Variants in NELL2 observed in about 807,000 individuals in gnomAD.
NELL2 encodes protein kinase C-binding protein NELL2.
Under a neutral mutation model 109.6 loss-of-function variants are expected in NELL2, and 41 were observed. That is an observed-to-expected ratio of 0.37 (90% CI 0.29 to 0.49). The LOEUF (loss-of-function observed/expected upper bound fraction) is 0.49. NELL2 is among the 20% of genes least tolerant of loss of function. The pLI is 0.98. For synonymous variants in NELL2, 355 were observed against 344.7 expected (o/e 1.03, Z -0.33); for missense variants, 900 against 1,008.3 (o/e 0.89, Z 1.45).
upstream of NELL2, among the ~76,000 whole-genome samples, chr12:44,917,211 G>C (rs918509764): frequency 1.3e-5 from 2 of 152,104 alleles, no homozygotes; most frequent in African/African-American, 4.8e-5. Flanking sequence ...AATGTCAAAA[G>C]GTCTTTCTCC....
At chr12:44,559,465 C>T (rs1319602940) in intron 15 of NELL2, among the ~76,000 whole-genome samples, 2 of 152,104 alleles carry the variant, frequency 1.3e-5, no homozygotes, top group African/African-American at 4.8e-5. Context: ...ATAGCCTCAA[C>T]ATAAAGGGAT....
chr12:44,635,254 T>C (rs1946594627), intron 13 of NELL2, among the ~76,000 whole-genome samples: 1 of 152,176 alleles, frequency 6.6e-6, no homozygotes, highest in African/African-American at 2.4e-5. Flanking sequence ...CTGATGATAG[T>C]TTCTTTTGCT....
At chr12:44,624,001 G>A (rs1389840797) in intron 13 of NELL2, among the ~76,000 whole-genome samples, 2 of 152,106 alleles carry the variant, frequency 1.3e-5, no homozygotes, top group African/African-American at 4.8e-5. Context: ...TGGGGGCTAG[G>A]GGAGGGATAG....
chr12:44,889,873 T>C (rs115260995), intron 1 of NELL2, among the ~76,000 whole-genome samples: 1,607 of 152,290 alleles, frequency 0.011, 29 homozygotes, highest in African/African-American at 0.037. Context: ...TAATTCAAAA[T>C]CTTTCCTGAC....
intron 2 of NELL2, among the ~76,000 whole-genome samples, chr12:44,873,848 T>C (rs1945236596): frequency 6.6e-6 from 1 of 151,974 alleles, no homozygotes; most frequent in Non-Finnish European, 1.5e-5. Context: ...TTGGTCATTG[T>C]TTTTAAAGGA....
At chr12:44,785,515 T>G (rs1942130422) in intron 3 of NELL2, among the ~76,000 whole-genome samples, 1 of 152,012 alleles carries the variant, frequency 6.6e-6, no homozygotes, top group Non-Finnish European at 1.5e-5. Context: ...CTTCACAGAA[T>G]TAGAAAAAAA....
At chr12:44,602,063 G>A (rs761247384) in intron 15 of NELL2, among the ~76,000 whole-genome samples, 34 of 152,064 alleles carry the variant, frequency 2.2e-4, no homozygotes, top group Non-Finnish European at 4.0e-4. Context: ...AGCAGGGTAC[G>A]GTCAAAAAGC....
intron 10 of NELL2, among the ~76,000 whole-genome samples, chr12:44,713,223 GAC>G (rs796303067): frequency 0.038 from 5,702 of 149,592 alleles, 401 homozygotes; most frequent in African/African-American, 0.13. Flanking sequence ...CACAGAGAGA[GAC>G]AGAGAGAGAG....
intron 13 of NELL2, among the ~76,000 whole-genome samples, chr12:44,646,925 C>T (rs1024961165): frequency 6.6e-6 from 1 of 152,116 alleles, no homozygotes; most frequent in Non-Finnish European, 1.5e-5. Flanking sequence ...TTTCCTCATA[C>T]ATAAAATGGG....
chr12:44,893,724 T>G (rs192381508), intron 1 of NELL2, among the ~76,000 whole-genome samples: 1 of 152,272 alleles, frequency 6.6e-6, no homozygotes, highest in Non-Finnish European at 1.5e-5. Context: ...GCCCCAAGCC[T>G]TCTAATTTTG....
intron 1 of NELL2, among the ~76,000 whole-genome samples, chr12:44,903,975 A>G (rs2136884323): frequency 6.6e-6 from 1 of 152,206 alleles, no homozygotes; most frequent in Non-Finnish European, 1.5e-5. Flanking sequence ...ACCAGGGCAC[A>G]TGTATACCTA....
chr12:44,825,407 T>C (rs1471963052), intron 2 of NELL2, among the ~76,000 whole-genome samples: 1 of 139,894 alleles, frequency 7.1e-6, no homozygotes, highest in African/African-American at 2.6e-5. Flanking sequence ...TTTTTTTTTT[T>C]TTTTTTTGAG....
At chr12:44,827,619 T>A (rs1355695370) in intron 2 of NELL2, among the ~76,000 whole-genome samples, 1 of 152,110 alleles carries the variant, frequency 6.6e-6, no homozygotes, top group Non-Finnish European at 1.5e-5. Context: ...CATAAACACC[T>A]CCAGTTCCAC....
chr12:44,745,873 A>C (rs1352346520), intron 9 of NELL2, among the ~76,000 whole-genome samples: 2 of 151,720 alleles, frequency 1.3e-5, no homozygotes, highest in Non-Finnish European at 2.9e-5. Context: ...CCACACTGCC[A>C]AAGGTAATTT....
At chr12:44,686,055 A>T (rs532874066) in intron 12 of NELL2, among the ~76,000 whole-genome samples, 1 of 152,170 alleles carries the variant, frequency 6.6e-6, no homozygotes, top group Non-Finnish European at 1.5e-5. Flanking sequence ...AGGTACACCA[A>T]TCAGACATAG....
intron 12 of NELL2, among the ~76,000 whole-genome samples, chr12:44,682,057 C>T (rs530483428): frequency 6.6e-6 from 1 of 151,070 alleles, no homozygotes; most frequent in South Asian, 2.1e-4. Context: ...GTTCCTATTT[C>T]TCCACATCCT....
chr12:44,765,313 T>C (rs1280682302), intron 9 of NELL2, among the ~76,000 whole-genome samples: 4 of 152,320 alleles, frequency 2.6e-5, no homozygotes, highest in Admixed American at 1.3e-4. Flanking sequence ...TAATTTGCAA[T>C]AATATTGATA....
intron 10 of NELL2, among the ~76,000 whole-genome samples, chr12:44,712,487 C>G (rs1449198568): frequency 6.6e-6 from 1 of 151,902 alleles, no homozygotes; most frequent in East Asian, 1.9e-4. Context: ...TCACAGACCC[C>G]TAGGACTGCT....
At chr12:44,915,524 G>C (rs1945822247), upstream of NELL2, among the ~76,000 whole-genome samples, 1 of 152,142 alleles carries the variant, frequency 6.6e-6, no homozygotes, top group African/African-American at 2.4e-5. Context: ...TGTTTCTAAA[G>C]AATTCCCCTC....
Sources: allele counts gnomAD v4.1 joint callset (sites outside exome capture counted in the v4.1 genomes callset), GRCh38; gene constraint gnomAD v4.1.1; transcripts MANE v1.5; gene names NCBI Gene and HGNC (gene_info 2026-07-23, HGNC 2026-07-21).